PRRG3: variants seen among roughly 807,000 people sequenced by gnomAD.
PRRG3 encodes proline rich and Gla domain 3.
In PRRG3, 21 loss-of-function variants were observed where a neutral mutation model predicts 15.8. The observed-to-expected ratio is 1.33, with a 90% CI of 0.94 to 1.92. The LOEUF (loss-of-function observed/expected upper bound fraction) is 1.92, where lower values mean the gene tolerates loss of function less well. Ranked by LOEUF, PRRG3 falls within the 40% of genes most tolerant of loss-of-function variation. The probability of loss-of-function intolerance (pLI) is 0.00; values close to 1 mark genes in which losing one functional copy is unlikely to be tolerated. For missense variants in PRRG3, 251 were observed against 200.2 expected, an observed-to-expected ratio of 1.25 and a Z score of -1.53; for synonymous variants, 125 against 84.1, an observed-to-expected ratio of 1.49 and a Z score of -2.66.
chrX:151,700,556 C>G lies in PRRG3; in HGVS notation c.219C>G (p.Pro73=), dbSNP rs2014852015. Residue 73 remains proline (P), a synonymous_variant, in exon 4 of 4, where the codon CCC becomes CCG. Coordinates refer to ENST00000674457, the MANE Select transcript of PRRG3 (RefSeq NM_001372163.1). ...ATGCAGTCTACTCTGTCCGAGACCC[C>G]TCGCAGAGCTCAGATGCCATGTATG... The part of the protein sequence containing the change: ...YPNAVYSVRD[P]SQSSDAMYVV... 1.7e-6 allele frequency: 2 copies of G among 1,208,155 alleles called. No individual in the cohort carries two copies. The highest frequency in any genetic ancestry group is 2.2e-6 in the Non-Finnish European group (2 of 892,896).
intron 1 of PRRG3, 59 bp from the exon 2 acceptor site, chrX:151,698,725 T>A (rs2014809164): frequency 1.1e-6 from 1 of 932,973 alleles, no homozygotes; most frequent in Non-Finnish European, 1.5e-6. Context: ...GAGCCAAGAG[T>A]GTGCCCTGTA....
In PRRG3 at chrX:151,700,890, C is replaced by G. The variant is rs756035740; in HGVS notation, c.553C>G (p.Leu185Val). The change falls in exon 4 of 4, where the codon CTG becomes GTG. Residue 185 changes from leucine to valine, a missense_variant. Transcript: ENST00000674457. ...LYLPELSLSR[L>V]SSTTPPPSYE... ...CCTCCCTGAGCTCTCTCTCTCCAGA[C>G]TGTCCAGCACCACCCCTCCCCCCTC... The G allele has an allele frequency of 8.3e-7, 1 of 1,210,739 alleles. No homozygotes were observed. Among genetic ancestry groups the G allele is most frequent in the Admixed American group, 2.2e-5 (1 of 45,973 alleles).
At chrX:151,694,951 C>A (rs940216292), upstream of PRRG3, among the ~76,000 whole-genome samples, 8 of 110,180 alleles carry the variant, frequency 7.3e-5, no homozygotes, top group Admixed American at 7.5e-4. Context: ...GCGGCACGGG[C>A]GGGGGCAGGG....
chrX:151,698,827 T>C lies in PRRG3; in HGVS notation c.7+6T>C, dbSNP rs776961264. The stretch of plus-strand genomic sequence containing the variant: ...CTGAGGGAGCATCATGGCAGGTGAG[T>C]TTTTCCAGGCCTGGGCAGAGCCGTG... On this transcript the variant is annotated splice_donor_region_variant and intron_variant, in intron 2 of 3. Transcript: ENST00000674457. 1.7e-6 allele frequency: 2 copies of C among 1,199,478 alleles called. No individual in the cohort carries two copies. The highest frequency in any genetic ancestry group is 2.3e-6 in the Non-Finnish European group (2 of 888,221).
chrX:151,700,761 C>A lies in PRRG3; in HGVS notation c.424C>A (p.Gln142Lys). ...VMVYRGTVHS[Q>K]GEPSGHREAA... The stretch of plus-strand genomic sequence containing the variant: ...GGTGTACCGGGGTACTGTGCATAGC[C>A]AAGGGGAGCCTTCTGGGCACCGAGA... Residue 142 changes from glutamine to lysine, a missense_variant, in exon 4 of 4, where the codon CAA (glutamine) becomes AAA (lysine). Transcript: ENST00000674457. The A allele has an allele frequency of 8.3e-7, 1 of 1,202,466 alleles. No individual in the cohort carries two copies. Among genetic ancestry groups the A allele is most frequent in the Non-Finnish European group, 1.1e-6 (1 of 889,077 alleles).
Position 151,701,180 on chromosome X carries a change from A to G in PRRG3, c.*147A>G, listed in dbSNP as rs1320855405. ...CCTAACTGTGGAGTTTTAGGAAGTC[A>G]GTTGTCAGAGACAGGTGGGGAGGGT... On this transcript the variant is annotated 3_prime_UTR_variant, in exon 4 of 4. Transcript: ENST00000674457. 4.6e-6 allele frequency: 2 copies of G among 432,196 alleles called. No homozygotes were observed. Among genetic ancestry groups the G allele is most frequent in the Non-Finnish European group, 6.7e-6 (2 of 297,224 alleles). The allele number at this position is 432,196 out of a possible 1,213,427, so 35.6% of individuals were successfully genotyped here. A position where few individuals can be genotyped will look rare whatever the true frequency, so the allele number is the denominator to read the frequency against.
Position 151,704,980 on chromosome X carries a change from A to T in PRRG3, c.*3947A>T, listed in dbSNP as rs1434366283. On this transcript the variant is annotated 3_prime_UTR_variant, in exon 4 of 4. Coordinates refer to ENST00000674457, the MANE Select transcript of PRRG3 (RefSeq NM_001372163.1). ...AAATATTTGAAATATTCTTCCCTTT[A>T]GTCAATGTTCAGGGTCTTTTGTGTA... 1.6e-5 allele frequency: 2 copies of T among 128,793 alleles called. No individual in the cohort carries two copies. Among genetic ancestry groups the T allele is most frequent in the African/African-American group, 3.2e-5 (1 of 31,112 alleles). The allele number at this position is 128,793 out of a possible 1,213,427, so 10.6% of individuals were successfully genotyped here. A position where few individuals can be genotyped will look rare whatever the true frequency, so the allele number is the denominator to read the frequency against.
In PRRG3 at chrX:151,700,575, A is replaced by G. The variant is rs1490901617; in HGVS notation, c.238A>G (p.Met80Val). Residue 80 changes from methionine (M) to valine (V), a missense_variant, in exon 4 of 4, where the codon ATG (methionine) becomes GTG (valine). Physicochemically the swap from Met to Val is conservative, Grantham distance 21. Coordinates refer to ENST00000674457, the MANE Select transcript of PRRG3 (RefSeq NM_001372163.1). ...VRDPSQSSDA[M>V]YVVVPLLGVA... ...AGACCCCTCGCAGAGCTCAGATGCC[A>G]TGTATGTGGTGGTACCCCTTCTGGG... 2.5e-6 allele frequency: 3 copies of G among 1,210,026 alleles called. No individual in the cohort carries two copies. The highest frequency in any genetic ancestry group is 3.0e-5 in the East Asian group (1 of 33,782).
intron 1 of PRRG3, among the ~76,000 whole-genome samples, chrX:151,697,097 T>TTCCTTCCTTCCTTCCTTCCTTCCTCCCG (rs2014776890): frequency 1.3e-5 from 1 of 77,792 alleles, no homozygotes; most frequent in Admixed American, 1.5e-4. Context: ...CCTTCCTTCC[T>TTCCTTCCTTCCTTCCTTCCTTCCTCCCG]CCCTCCCTCC....
chrX:151,699,446 G>T (rs920770794), intron 2 of PRRG3, among the ~76,000 whole-genome samples: 5 of 112,212 alleles, frequency 4.5e-5, no homozygotes, highest in African/African-American at 1.6e-4. Context: ...GGCTGGCTTT[G>T]CATTAGACTT....
chrX:151,700,545 G>A lies in PRRG3; in HGVS notation c.208G>A (p.Val70Ile), dbSNP rs1346990540. ...AGGGTACCCAAATGCAGTCTACTCT[G>A]TCCGAGACCCCTCGCAGAGCTCAGA... ...WKGYPNAVYSVRDPSQSSDAM... is the reference protein window; with the variant it reads ...WKGYPNAVYSIRDPSQSSDAM... Residue 70 changes from valine (V) to isoleucine (I), a missense_variant, in exon 4 of 4, where the codon GTC becomes ATC. Val to Ile is a conservative substitution (Grantham distance 29, BLOSUM62 3). Transcript: ENST00000674457. The A allele has an allele frequency of 8.3e-7, 1 of 1,206,365 alleles. No individual in the cohort carries two copies. Among genetic ancestry groups the A allele is most frequent in the Non-Finnish European group, 1.1e-6 (1 of 891,861 alleles).
rs765127512 is a variant in PRRG3, at chrX:151,704,326, C to T, written c.*3293C>T. ...CCATGAATGTGAATTCCTTAGGGTGCTTCCAAAAACAGGAGTCTGCCTGAT... is the reference window on the plus strand; with the variant it reads ...CCATGAATGTGAATTCCTTAGGGTGTTTCCAAAAACAGGAGTCTGCCTGAT... On this transcript the variant is annotated 3_prime_UTR_variant, in exon 4 of 4. Transcript: ENST00000674457. 2 of 111,208 alleles carry T rather than the reference C, an allele frequency of 1.8e-5. No homozygotes were observed. The highest frequency in any genetic ancestry group is 6.6e-5 in the African/African-American group (2 of 30,513). 9.2% of individuals were successfully genotyped at this position (111,208 alleles called of 1,213,427 possible).
intron 2 of PRRG3, among the ~76,000 whole-genome samples, chrX:151,699,320 T>C (rs1033290469): frequency 2.7e-5 from 3 of 112,637 alleles, no homozygotes; most frequent in African/African-American, 9.7e-5. Flanking sequence ...GACGGTATTG[T>C]AGGGAGATTC....
chrX:151,699,072 G>A (rs952332353), intron 2 of PRRG3, among the ~76,000 whole-genome samples: 1 of 112,941 alleles, frequency 8.9e-6, no homozygotes, highest in Admixed American at 9.5e-5. Flanking sequence ...AGGGCCTGGG[G>A]AAGGGTGCCT....
At chrX:151,694,935 C>T (rs1227000951), upstream of PRRG3, among the ~76,000 whole-genome samples, 1 of 110,554 alleles carries the variant, frequency 9.0e-6, no homozygotes, top group Non-Finnish European at 1.9e-5. Context: ...CAGGCCCCGC[C>T]CCCCGGCGGC....
chrX:151,697,744 G>T (rs1487711310), intron 1 of PRRG3, among the ~76,000 whole-genome samples: 2 of 108,084 alleles, frequency 1.9e-5, no homozygotes, highest in Non-Finnish European at 3.8e-5. Flanking sequence ...GCTTGGGGAG[G>T]GGAGCAGTGG....
chrX:151,705,409 C>G lies in PRRG3; in HGVS notation c.*4376C>G. On this transcript the variant is annotated 3_prime_UTR_variant, in exon 4 of 4. Transcript: ENST00000674457. Reference sequence around the variant, plus strand: ...CAAACATACCCAAATAGCACACCCTCTCAAGCTCAATGCCTCAACAGTTGT... The same window carrying G: ...CAAACATACCCAAATAGCACACCCTGTCAAGCTCAATGCCTCAACAGTTGT... The G allele has an allele frequency of 2.9e-6, 1 of 342,700 alleles. No individual in the cohort carries two copies. Among genetic ancestry groups the G allele is most frequent in the Middle Eastern group, 4.4e-4 (1 of 2,283 alleles). 28.2% of individuals were successfully genotyped at this position (342,700 alleles called of 1,213,427 possible). A position where few individuals can be genotyped will look rare whatever the true frequency, so the allele number is the denominator to read the frequency against.
chrX:151,696,294 C>T (rs2014759537), intron 1 of PRRG3, among the ~76,000 whole-genome samples: 1 of 110,953 alleles, frequency 9.0e-6, no homozygotes, highest in South Asian at 3.9e-4. Flanking sequence ...GGGGAAGAAG[C>T]AGGCGCTACA....
upstream of PRRG3, among the ~76,000 whole-genome samples, chrX:151,694,722 G>A (rs2014725368): frequency 9.8e-6 from 1 of 101,597 alleles, no homozygotes; most frequent in Admixed American, 1.0e-4. Context: ...GGCCCCAGGA[G>A]CCCGGCGGGC....
Sources: gnomAD v4.1 joint callset for allele counts (sites outside exome capture counted in the v4.1 genomes callset) on GRCh38, gnomAD v4.1.1 for gene constraint, MANE v1.5 for transcripts, NCBI Gene and HGNC (gene_info 2026-07-23, HGNC 2026-07-21) for gene names.